Variants in VPS25 observed in about 807,000 individuals in gnomAD.
VPS25 encodes the protein vacuolar protein-sorting-associated protein 25.
A neutral mutation model predicts 30.3 loss-of-function variants in VPS25; 21 were observed. That is an observed-to-expected ratio of 0.69 (90% CI 0.49 to 1.00). VPS25 has a LOEUF of 1.00. Ranked by LOEUF, VPS25 falls within the 50% of genes least tolerant of loss-of-function variation. The probability of loss-of-function intolerance (pLI) is 0.00; values close to 1 mark genes in which losing one functional copy is unlikely to be tolerated. For synonymous variants in VPS25, 101 were observed against 88.1 expected, an observed-to-expected ratio of 1.15 and a Z score of -0.82; for missense variants, 156 against 217.2, an observed-to-expected ratio of 0.72 and a Z score of 1.77.
intron 5 of VPS25, among the ~76,000 whole-genome samples, chr17:42,776,685 G>A (rs1289397562): frequency 7.5e-6 from 1 of 134,196 alleles, no homozygotes; most frequent in Non-Finnish European, 1.6e-5. Flanking sequence ...TTTTTTTTGA[G>A]ACAGAGTCAC....
At chr17:42,774,919 G>A in intron 3 of VPS25, 1 of 475,376 alleles carries the variant, frequency 2.1e-6, no homozygotes, top group Non-Finnish European at 3.8e-6. Flanking sequence ...AGTGGAAGAA[G>A]GATGAGTGCC....
chr17:42,774,591 A>G, intron 2 of VPS25, 55 bp from the exon 3 acceptor site: 1 of 1,550,186 alleles, frequency 6.5e-7, no homozygotes, highest in Non-Finnish European at 8.9e-7. Flanking sequence ...ACTGGCTCTG[A>G]AAATTTTTAT....
chr17:42,777,209 A>T (rs1355106485), intron 5 of VPS25, among the ~76,000 whole-genome samples: 1 of 151,890 alleles, frequency 6.6e-6, no homozygotes, highest in Admixed American at 6.6e-5. Flanking sequence ...ACAGAGCGAG[A>T]TGCTATCTTA....
chr17:42,775,259 G>T (rs1358904981), intron 3 of VPS25, 122 bp from the exon 4 acceptor site: 1 of 674,802 alleles, frequency 1.5e-6, no homozygotes, highest in African/African-American at 1.8e-5. Flanking sequence ...TTTCTGTAGG[G>T]TCTCATCATG....
At chr17:42,774,748 C>T (rs1229993832) in intron 3 of VPS25, 49 bp downstream of exon 3, 1 of 1,541,700 alleles carries the variant, frequency 6.5e-7, no homozygotes, top group African/African-American at 1.4e-5. Flanking sequence ...GTTGGGTTTT[C>T]CTGAGGGCAA....
chr17:42,776,389 G>T, intron 5 of VPS25, 69 bp downstream of exon 5: 1 of 1,433,554 alleles, frequency 7.0e-7, no homozygotes, highest in Non-Finnish European at 9.7e-7. Context: ...CCGATATGGA[G>T]TCTTGCTCTG....
rs1432286585 is a variant in VPS25 at position 42,776,350 on chromosome 17, A to T, written c.418+30A>T. ...TGCCTTTCCCTTCCCACTCATAGTT[A>T]ATTTTTTGTTTTGTTTTGTTTTGTT... On this transcript the variant is annotated intron_variant, in intron 5 of 5. Coordinates refer to ENST00000253794, the MANE Select transcript of VPS25 (RefSeq NM_032353.4). 5.0e-6 allele frequency: 8 copies of T among 1,602,696 alleles called. No individual in the cohort carries two copies. The Admixed American group carries it at 1.4e-4, about 27-fold the overall frequency.
At chr17:42,775,553 C>A in intron 4 of VPS25, 84 bp downstream of exon 4, 1 of 1,184,590 alleles carries the variant, frequency 8.4e-7, no homozygotes, top group Non-Finnish European at 1.2e-6. Context: ...AGCCGGTGTT[C>A]CCAGATCCAG....
intron 2 of VPS25, 105 bp downstream of exon 2, chr17:42,773,983 A>G: frequency 7.3e-7 from 1 of 1,371,418 alleles, no homozygotes. Flanking sequence ...CATGGTAGGC[A>G]GATTCCCACC....
chr17:42,774,379 T>C (rs1597889356), intron 2 of VPS25: 2 of 347,336 alleles, frequency 5.8e-6, no homozygotes, highest in South Asian at 1.3e-4. Flanking sequence ...TTTCTTTTTT[T>C]TTTTTTTTTT....
At chr17:42,774,737 A>G in intron 3 of VPS25, 38 bp downstream of exon 3, 1 of 1,597,690 alleles carries the variant, frequency 6.3e-7, no homozygotes, top group Non-Finnish European at 8.6e-7. Context: ...TTTTCTTCCT[A>G]GTTGGGTTTT....
chr17:42,774,100 G>C, intron 2 of VPS25: 1 of 486,252 alleles, frequency 2.1e-6, no homozygotes, highest in Non-Finnish European at 3.5e-6. Context: ...ATGTCATTAA[G>C]GTCTTAGAAT....
At chr17:42,774,785 T>C in intron 3 of VPS25, 86 bp downstream of exon 3, 1 of 1,257,828 alleles carries the variant, frequency 8.0e-7, no homozygotes, top group Non-Finnish European at 1.1e-6. Context: ...TTCCCTTTAA[T>C]AACTTTTTCT....
At chr17:42,775,939 C>T (rs1463248249) in intron 4 of VPS25, among the ~76,000 whole-genome samples, 2 of 152,208 alleles carry the variant, frequency 1.3e-5, no homozygotes, top group Non-Finnish European at 2.9e-5. Flanking sequence ...GGGTAAGAAG[C>T]ATCAACATTC....
At chr17:42,774,796 C>G in intron 3 of VPS25, 97 bp downstream of exon 3, 1 of 1,136,144 alleles carries the variant, frequency 8.8e-7, no homozygotes, top group Non-Finnish European at 1.3e-6. Flanking sequence ...AACTTTTTCT[C>G]TCTCCTGGCT....
chr17:42,776,627 G>C (rs1390919990), intron 5 of VPS25, among the ~76,000 whole-genome samples: 2 of 148,890 alleles, frequency 1.3e-5, no homozygotes, highest in African/African-American at 5.0e-5. Context: ...CTCCCAAAGT[G>C]CTGGGATTAG....
Position 42,779,424 on chromosome 17 carries a change from A to C in VPS25, c.*355A>C, listed in dbSNP as rs566848678. 2 of 205,582 alleles carry C rather than the reference A, an allele frequency of 9.7e-6. No homozygotes were observed. Among genetic ancestry groups the C allele is most frequent in the Non-Finnish European group, 2.0e-5 (2 of 97,590 alleles). 12.7% of individuals were successfully genotyped at this position (205,582 alleles called of 1,614,324 possible). A position where few individuals can be genotyped will look rare whatever the true frequency, so the allele number is the denominator to read the frequency against. ...CATGCTTCTGTCTCCTCCTCCTCCC[A>C]CCCCTTTAGCTGCTGTTGCCTCCCT... On this transcript the variant is annotated 3_prime_UTR_variant, in exon 6 of 6. Transcript: ENST00000253794.
intron 5 of VPS25, among the ~76,000 whole-genome samples, chr17:42,777,576 A>G (rs772014854): frequency 5.3e-5 from 8 of 152,208 alleles, no homozygotes; most frequent in Non-Finnish European, 8.8e-5. Flanking sequence ...AGCATCTGCT[A>G]TAGATGCCGA....
intron 2 of VPS25, chr17:42,774,141 T>TA (rs1432505456): frequency 2.5e-6 from 1 of 401,312 alleles, no homozygotes; most frequent in Non-Finnish European, 4.4e-6. Context: ...CCAAGTTTTT[T>TA]AACCTAAACC....
Sources: allele counts gnomAD v4.1 joint callset (sites outside exome capture counted in the v4.1 genomes callset), GRCh38; gene constraint gnomAD v4.1.1; transcripts MANE v1.5; gene names NCBI Gene and HGNC (gene_info 2026-07-23, HGNC 2026-07-21).